The following DTNB variants were observed in gnomAD, a reference collection of about 807,000 sequenced individuals.
The protein encoded by DTNB is dystrobrevin beta.
A neutral mutation model predicts 90.7 loss-of-function variants in DTNB; 63 were observed. That is an observed-to-expected ratio of 0.69 (90% CI 0.57 to 0.86). The LOEUF is 0.86. Ranked by LOEUF, DTNB falls within the 40% of genes least tolerant of loss-of-function variation. DTNB has a pLI of 0.00. For missense variants in DTNB, 744 were observed against 807.1 expected (o/e 0.92, Z 0.95); for synonymous variants, 277 against 286.7 (o/e 0.97, Z 0.34).
intron 3 of DTNB, among the ~76,000 whole-genome samples, chr2:25,637,037 C>T (rs2077264726): frequency 6.6e-6 from 1 of 151,802 alleles, no homozygotes; most frequent in African/African-American, 2.4e-5. Flanking sequence ...CTAACAGAGC[C>T]CTCAGAAATA....
At chr2:25,473,540 G>A (rs1245070895) in intron 10 of DTNB, among the ~76,000 whole-genome samples, 3 of 152,202 alleles carry the variant, frequency 2.0e-5, no homozygotes, top group Non-Finnish European at 2.9e-5. Flanking sequence ...AGTAAGAGAG[G>A]AAGAGAGTAT....
intron 8 of DTNB, among the ~76,000 whole-genome samples, chr2:25,561,068 TTCTG>T (rs1367829193): frequency 6.6e-6 from 1 of 152,180 alleles, no homozygotes; most frequent in Non-Finnish European, 1.5e-5. Flanking sequence ...TCTCACCAAC[TTCTG>T]TCTTTCTAGC....
chr2:25,396,596 C>G (rs551415995), intron 16 of DTNB, among the ~76,000 whole-genome samples: 1 of 151,802 alleles, frequency 6.6e-6, no homozygotes, highest in South Asian at 2.1e-4. Flanking sequence ...AAAGACTACA[C>G]ATTGGGTACA....
At chr2:25,659,832 A>C (rs761438959) in intron 1 of DTNB, among the ~76,000 whole-genome samples, 1 of 152,172 alleles carries the variant, frequency 6.6e-6, no homozygotes, top group Non-Finnish European at 1.5e-5. Context: ...AAAGACAAGG[A>C]AACACTTACC....
At chr2:25,426,734 T>C (rs1162715273) in intron 15 of DTNB, 1 of 152,234 alleles carries the variant, frequency 6.6e-6, no homozygotes, top group African/African-American at 2.4e-5. Context: ...ATTTCCATAA[T>C]AAATCCCCTC....
At chr2:25,604,861 C>G (rs1052382576) in intron 5 of DTNB, among the ~76,000 whole-genome samples, 3 of 152,158 alleles carry the variant, frequency 2.0e-5, no homozygotes, top group Non-Finnish European at 4.4e-5. Context: ...GCTGGGATTA[C>G]AGGCGGGAGC....
chr2:25,530,022 A>G (rs1490233201), intron 9 of DTNB, among the ~76,000 whole-genome samples: 3 of 152,200 alleles, frequency 2.0e-5, no homozygotes, highest in African/African-American at 7.2e-5. Flanking sequence ...TTAAAATATT[A>G]TTTAAAATTA....
At chr2:25,589,435 C>G (rs1163464449) in intron 6 of DTNB, among the ~76,000 whole-genome samples, 2 of 115,602 alleles carry the variant, frequency 1.7e-5, no homozygotes, top group African/African-American at 6.8e-5. Context: ...GGCTGGAGTG[C>G]TGTGGTGCCA....
intron 16 of DTNB, among the ~76,000 whole-genome samples, chr2:25,399,622 G>C (rs560941023): frequency 6.6e-6 from 1 of 152,126 alleles, no homozygotes; most frequent in African/African-American, 2.4e-5. Context: ...GTGATTACAG[G>C]AGTGCTGGGC....
chr2:25,569,344 C>G (rs1326854791), intron 8 of DTNB, among the ~76,000 whole-genome samples: 1 of 152,176 alleles, frequency 6.6e-6, no homozygotes, highest in Non-Finnish European at 1.5e-5. Flanking sequence ...AAATATTTAT[C>G]AAGCGTCTCA....
chr2:25,574,238 G>A (rs543282641), intron 8 of DTNB, among the ~76,000 whole-genome samples: 15 of 152,306 alleles, frequency 9.8e-5, no homozygotes, highest in African/African-American at 3.1e-4. Flanking sequence ...AGGAGTCTTT[G>A]TCCGGTTTGT....
intron 12 of DTNB, among the ~76,000 whole-genome samples, chr2:25,445,589 T>C (rs527545256): frequency 6.6e-6 from 1 of 152,356 alleles, no homozygotes; most frequent in African/African-American, 2.4e-5. Context: ...TGGTCCTGCA[T>C]GAGCCCGCCT....
intron 16 of DTNB, among the ~76,000 whole-genome samples, chr2:25,418,228 CT>C (rs754989950): frequency 6.6e-6 from 1 of 152,230 alleles, no homozygotes; most frequent in Non-Finnish European, 1.5e-5. Flanking sequence ...GTGCCATCTT[CT>C]TTCCCCCTGA....
At chr2:25,659,733 A>G (rs2082765915) in intron 1 of DTNB, among the ~76,000 whole-genome samples, 1 of 152,178 alleles carries the variant, frequency 6.6e-6, no homozygotes, top group Non-Finnish European at 1.5e-5. Flanking sequence ...CCCTATAATT[A>G]CTAAAGAGAT....
At chr2:25,431,970 TTA>T (rs2149945975) in intron 14 of DTNB, among the ~76,000 whole-genome samples, 1 of 152,284 alleles carries the variant, frequency 6.6e-6, no homozygotes, top group Admixed American at 6.5e-5. Flanking sequence ...TTTAAATTCT[TTA>T]TGACTCTACT....
chr2:25,621,605 G>A lies in DTNB; in HGVS notation c.362+6566C>T, dbSNP rs2072674867. 2.7e-5 allele frequency among the ~76,000 whole-genome samples: 4 copies of A among 146,228 alleles called. No homozygotes were observed. In the Admixed American group the frequency reaches 2.7e-4, roughly 10 times the overall value. Reference sequence around the variant, plus strand: ...CAGGCATGCACCACCACCATGCCTGGCTAATTTTTTTTTTTTTTTTTTTTT... The same window carrying A: ...CAGGCATGCACCACCACCATGCCTGACTAATTTTTTTTTTTTTTTTTTTTT... On this transcript the variant is annotated intron_variant, in intron 4 of 20. Coordinates refer to ENST00000406818, the MANE Select transcript of DTNB (RefSeq NM_021907.5).
intron 4 of DTNB, among the ~76,000 whole-genome samples, chr2:25,618,793 C>T (rs1359053124): frequency 6.6e-6 from 1 of 152,174 alleles, no homozygotes; most frequent in Non-Finnish European, 1.5e-5. Flanking sequence ...TGATCCCTTT[C>T]TCAGCCTTCT....
chr2:25,588,294 A>G (rs1166237583), intron 6 of DTNB, among the ~76,000 whole-genome samples: 2 of 151,810 alleles, frequency 1.3e-5, no homozygotes, highest in Admixed American at 6.6e-5. Context: ...ATTCCCCTCT[A>G]TTCTGTCCAC....
intron 6 of DTNB, among the ~76,000 whole-genome samples, chr2:25,581,428 T>C (rs1032582435): frequency 2.6e-5 from 4 of 152,226 alleles, no homozygotes; most frequent in Non-Finnish European, 5.9e-5. Context: ...GACAACATCA[T>C]AGAGATAGTT....
Sources: allele counts gnomAD v4.1 joint callset (sites outside exome capture counted in the v4.1 genomes callset), GRCh38; gene constraint gnomAD v4.1.1; transcripts MANE v1.5; gene names NCBI Gene and HGNC (gene_info 2026-07-23, HGNC 2026-07-21).